The following ACBD6 variants were observed in gnomAD, a reference collection of about 807,000 sequenced individuals.
ACBD6 encodes acyl-CoA-binding domain-containing protein 6.
A neutral mutation model predicts 37.2 loss-of-function variants in ACBD6; 28 were observed. The ratio of observed to expected loss-of-function variants is 0.75; its 90% CI spans 0.56 to 1.03. The LOEUF is 1.03. Ranked by LOEUF, ACBD6 falls within the 50% of genes least tolerant of loss-of-function variation. The pLI, the probability that ACBD6 is intolerant of heterozygous loss-of-function variation, is 0.00. For synonymous variants in ACBD6, 113 were observed against 126.8 expected (o/e 0.89, Z 0.73); for missense variants, 340 against 337.4 (o/e 1.01, Z -0.06).
chr1:180,287,102 C>A (rs748951346), downstream of ACBD6: 2 of 151,982 alleles, frequency 1.3e-5, no homozygotes, highest in Non-Finnish European at 2.9e-5. Context: ...ATGTTGGGAG[C>A]CAGTTTCAAG....
chr1:180,467,288 C>A (rs2102051514), intron 3 of ACBD6, among the ~76,000 whole-genome samples: 1 of 150,648 alleles, frequency 6.6e-6, no homozygotes, highest in African/African-American at 2.4e-5. Flanking sequence ...ATTCAACATG[C>A]AAAAAAATTT....
intron 1 of ACBD6, among the ~76,000 whole-genome samples, chr1:180,497,115 T>C (rs979145495): frequency 3.3e-5 from 5 of 152,196 alleles, no homozygotes; most frequent in Non-Finnish European, 7.3e-5. Context: ...TTAGAAATAA[T>C]AAATGAGATA....
intron 3 of ACBD6, among the ~76,000 whole-genome samples, chr1:180,460,991 C>T (rs1417065600): frequency 6.6e-6 from 1 of 152,090 alleles, no homozygotes; most frequent in Non-Finnish European, 1.5e-5. Flanking sequence ...TGCAAGGAAG[C>T]TAAAAACCAT....
chr1:180,397,091 T>C (rs1654287466), intron 6 of ACBD6, among the ~76,000 whole-genome samples: 2 of 152,154 alleles, frequency 1.3e-5, no homozygotes. Flanking sequence ...ATTTGGGATA[T>C]CCAAAAAATT....
At chr1:180,270,535 G>A (rs119465) in exon 14 of ACBD6, 14,012 of 152,316 alleles carry the variant, frequency 0.092, 793 homozygotes, top group African/African-American at 0.14. Context: ...ACTTTGAATG[G>A]AACAAACCAG....
chr1:180,414,705 T>A (rs1399821608), intron 4 of ACBD6, among the ~76,000 whole-genome samples: 3 of 152,162 alleles, frequency 2.0e-5, no homozygotes, highest in African/African-American at 4.8e-5. Flanking sequence ...AAAAGGACTA[T>A]AACAGAACAG....
At chr1:180,474,166 C>G (rs1650683462) in intron 3 of ACBD6, among the ~76,000 whole-genome samples, 1 of 152,040 alleles carries the variant, frequency 6.6e-6, no homozygotes. Context: ...CATAATTCTG[C>G]TAATATTCAC....
chr1:180,446,385 G>A (rs1649474578), intron 3 of ACBD6, among the ~76,000 whole-genome samples: 1 of 151,970 alleles, frequency 6.6e-6, no homozygotes, highest in African/African-American at 2.4e-5. Context: ...CATTTTTGAA[G>A]CAAAATTATT....
At chr1:180,323,073 G>C (rs146755088) in intron 6 of ACBD6, among the ~76,000 whole-genome samples, 2 of 151,694 alleles carry the variant, frequency 1.3e-5, no homozygotes, top group Non-Finnish European at 3.0e-5. Context: ...CATTGTTAAA[G>C]AAATTTTTCA....
chr1:180,309,888 A>G (rs556437017), intron 7 of ACBD6, among the ~76,000 whole-genome samples: 36 of 151,782 alleles, frequency 2.4e-4, no homozygotes, highest in Non-Finnish European at 4.1e-4. Context: ...GGTTTAGAAC[A>G]GCCAGCTCTT....
intron 3 of ACBD6, among the ~76,000 whole-genome samples, chr1:180,468,548 G>GT (rs1650441031): frequency 6.6e-6 from 1 of 152,160 alleles, no homozygotes; most frequent in African/African-American, 2.4e-5. Flanking sequence ...AGTATATACT[G>GT]TTTTATCTTA....
intron 4 of ACBD6, among the ~76,000 whole-genome samples, chr1:180,426,604 A>C (rs970348791): frequency 6.6e-6 from 1 of 152,220 alleles, no homozygotes; most frequent in Non-Finnish European, 1.5e-5. Flanking sequence ...TTTCTTTTGC[A>C]AAAGCAAACA....
At chr1:180,275,569 G>GGAGTT (rs1398107598) in intron 9 of ACBD6, 2 of 152,222 alleles carry the variant, frequency 1.3e-5, no homozygotes, top group Non-Finnish European at 2.9e-5. Flanking sequence ...CTGTTTTGAA[G>GGAGTT]GAGTTGGTTT....
chr1:180,417,164 G>A (rs1193282815), intron 4 of ACBD6, among the ~76,000 whole-genome samples: 1 of 152,184 alleles, frequency 6.6e-6, no homozygotes, highest in Non-Finnish European at 1.5e-5. Context: ...TGCAGGTATA[G>A]ATCATTTTAA....
chr1:180,390,050 T>TG (rs1182393012), intron 6 of ACBD6, among the ~76,000 whole-genome samples: 3 of 152,090 alleles, frequency 2.0e-5, no homozygotes, highest in Admixed American at 2.0e-4. Flanking sequence ...CCATTGCTTT[T>TG]GGTGTTTTAG....
chr1:180,323,530 C>T (rs1421235970), intron 6 of ACBD6, among the ~76,000 whole-genome samples: 4 of 151,574 alleles, frequency 2.6e-5, no homozygotes, highest in Non-Finnish European at 5.9e-5. Context: ...GTATTGGGGT[C>T]TCTCTCTCTC....
chr1:180,325,197 T>G (rs564346070), intron 6 of ACBD6, among the ~76,000 whole-genome samples: 5 of 152,296 alleles, frequency 3.3e-5, no homozygotes, highest in Admixed American at 6.5e-5. Context: ...CCCTGTCTCT[T>G]TCTCGATCTC....
intron 6 of ACBD6, among the ~76,000 whole-genome samples, chr1:180,391,293 A>G (rs1030717615): frequency 6.6e-6 from 1 of 152,114 alleles, no homozygotes; most frequent in African/African-American, 2.4e-5. Context: ...AAACAACAAC[A>G]ACAAAAATAA....
At chr1:180,370,377 GTATC>G (rs1378596910) in intron 6 of ACBD6, among the ~76,000 whole-genome samples, 4 of 152,044 alleles carry the variant, frequency 2.6e-5, no homozygotes, top group South Asian at 2.1e-4. Flanking sequence ...GGCTGAGGGA[GTATC>G]TATCTATAAA....
Sources: allele counts gnomAD v4.1 joint callset (sites outside exome capture counted in the v4.1 genomes callset), GRCh38; gene constraint gnomAD v4.1.1; transcripts MANE v1.5; gene names NCBI Gene and HGNC (gene_info 2026-07-23, HGNC 2026-07-21).